The following PCGF3 variants were observed in gnomAD, a reference collection of about 807,000 sequenced individuals.
PCGF3 encodes the protein polycomb group ring finger 3, also known as polycomb group RING finger protein 3.
PCGF3 carries 7 observed loss-of-function variants against 33.1 expected under a neutral mutation model. The observed-to-expected ratio is 0.21, with a 90% CI of 0.12 to 0.40. PCGF3 has a LOEUF of 0.40. Among genes scored for constraint, PCGF3 ranks in the 10% least tolerant of loss-of-function variants. The probability of loss-of-function intolerance (pLI) is 1.00; values close to 1 mark genes in which losing one functional copy is unlikely to be tolerated. For synonymous variants in PCGF3, 153 were observed against 121.3 expected (o/e 1.26, Z -1.72); for missense variants, 211 against 313.3 (o/e 0.67, Z 2.46).
At chr4:760,742 C>T (rs527831613) in intron 8 of PCGF3, among the ~76,000 whole-genome samples, 68 of 152,364 alleles carry the variant, frequency 4.5e-4, no homozygotes, top group African/African-American at 1.6e-3. Flanking sequence ...CTTTTCGCAC[C>T]GGGCAGGGAG....
intron 6 of PCGF3, among the ~76,000 whole-genome samples, chr4:741,518 T>G (rs1453046672): frequency 6.6e-6 from 1 of 152,164 alleles, no homozygotes; most frequent in African/African-American, 2.4e-5. Context: ...ACAGTTGTCC[T>G]GTCTCAGCCT....
chr4:762,860 A>G (rs994611195), intron 9 of PCGF3: 1 of 152,294 alleles, frequency 6.6e-6, no homozygotes, highest in African/African-American at 2.4e-5. Context: ...GAAAGCCACA[A>G]TAAGTTGCTG....
At chr4:768,753 T>C (rs766399921) in exon 11 of PCGF3, 1 of 151,926 alleles carries the variant, frequency 6.6e-6, no homozygotes, top group South Asian at 2.1e-4. Flanking sequence ...CCCATCCAAT[T>C]GTTTGGTTTC....
chr4:756,973 A>G (rs1478505220), intron 8 of PCGF3: 1 of 152,234 alleles, frequency 6.6e-6, no homozygotes, highest in African/African-American at 2.4e-5. Context: ...AATTAGAAGC[A>G]TGCTTGTAAC....
At chr4:741,320 C>T (rs904983555) in intron 6 of PCGF3, among the ~76,000 whole-genome samples, 2 of 152,242 alleles carry the variant, frequency 1.3e-5, no homozygotes, top group African/African-American at 2.4e-5. Flanking sequence ...GATTCGTTAG[C>T]GTTATGCCAA....
chr4:710,679 A>G (rs1373273953), intron 1 of PCGF3, among the ~76,000 whole-genome samples: 3 of 152,200 alleles, frequency 2.0e-5, no homozygotes, highest in African/African-American at 7.2e-5. Flanking sequence ...AAGAAGATAA[A>G]TTACAGATAG....
intron 1 of PCGF3, among the ~76,000 whole-genome samples, chr4:707,415 G>T (rs1194845980): frequency 6.6e-6 from 1 of 152,226 alleles, no homozygotes; most frequent in Non-Finnish European, 1.5e-5. Context: ...AGTCCTGTGA[G>T]CACTGCTGGG....
chr4:730,678 C>T lies in PCGF3; in HGVS notation c.-151+10C>T, dbSNP rs894763022. On this transcript the variant is annotated intron_variant, in intron 2 of 10. Coordinates refer to ENST00000362003, the Ensembl canonical transcript of PCGF3. Reference sequence around the variant, plus strand: ...CAGGCGTCGTGCTCAGGTAAGTGCGCGTAGGCCGACTGCCCTCTTCTTTCC... The same window carrying T: ...CAGGCGTCGTGCTCAGGTAAGTGCGTGTAGGCCGACTGCCCTCTTCTTTCC... 1 of 216,150 alleles carries T rather than the reference C, an allele frequency of 4.6e-6. No homozygotes were observed. The allele number at this position is 216,150 out of a possible 1,614,324, so 13.4% of individuals were successfully genotyped here. A position where few individuals can be genotyped will look rare whatever the true frequency, so the allele number is the denominator to read the frequency against.
At chr4:722,769 C>T (rs1486878159) in intron 1 of PCGF3, among the ~76,000 whole-genome samples, 5 of 83,552 alleles carry the variant, frequency 6.0e-5, no homozygotes, top group African/African-American at 2.3e-4. Context: ...TCGCCATCCA[C>T]GCCGGGTCCA....
intron 1 of PCGF3, among the ~76,000 whole-genome samples, chr4:713,245 G>T (rs1373011190): frequency 9.8e-6 from 1 of 101,640 alleles, no homozygotes; most frequent in African/African-American, 3.2e-5. Context: ...GTGGCCTGGT[G>T]GGGGCTGTGG....
At chr4:760,607 CTG>C (rs1283593466) in intron 8 of PCGF3, among the ~76,000 whole-genome samples, 12 of 152,258 alleles carry the variant, frequency 7.9e-5, no homozygotes, top group Non-Finnish European at 1.5e-4. Context: ...TAGGCCCTAA[CTG>C]TGCCGTTTGT....
chr4:734,766 G>A (rs2109617184), intron 4 of PCGF3, 165 bp from the exon 5 acceptor site: 1 of 1,404,382 alleles, frequency 7.1e-7, no homozygotes, highest in Non-Finnish European at 9.3e-7. Flanking sequence ...CCTGAGACCA[G>A]AACGGCAAGA....
In PCGF3 at chr4:734,746, T is replaced by C. The variant is rs533525707; in HGVS notation, c.110-185T>C. 5.1e-6 allele frequency: 7 copies of C among 1,380,090 alleles called. No homozygotes were observed. The Admixed American group carries it at 9.6e-5, about 19-fold the overall frequency. 85.5% of individuals were successfully genotyped at this position (1,380,090 alleles called of 1,614,324 possible). The stretch of plus-strand genomic sequence containing the variant: ...CCCATTGACGGGGCAATTAAAACCT[T>C]CTCATTGCTCCTGAGACCAGAACGG... On this transcript the variant is annotated intron_variant, in intron 4 of 10. Transcript: ENST00000362003.
At chr4:731,136 G>A (rs1219121691) in intron 3 of PCGF3, 26 bp downstream of exon 3, 1 of 398,472 alleles carries the variant, frequency 2.5e-6, no homozygotes, top group East Asian at 3.6e-5. Flanking sequence ...CCCGACCCCG[G>A]GGGTCCTGCT....
intron 8 of PCGF3, among the ~76,000 whole-genome samples, chr4:755,956 C>T (rs994730258): frequency 1.3e-4 from 18 of 134,344 alleles, no homozygotes; most frequent in Admixed American, 6.4e-4. Flanking sequence ...CCCTCTTGCC[C>T]AGGCTGGAGT....
chr4:754,403 G>T (rs1274733035), intron 8 of PCGF3, among the ~76,000 whole-genome samples: 2 of 152,238 alleles, frequency 1.3e-5, no homozygotes, highest in African/African-American at 4.8e-5. Context: ...GCTGGAAGTG[G>T]GCTCTGCCTG....
chr4:711,437 A>ATT (rs1577392477), intron 1 of PCGF3, among the ~76,000 whole-genome samples: 15 of 134,030 alleles, frequency 1.1e-4, no homozygotes, highest in South Asian at 2.5e-4. Flanking sequence ...TGAAAATGTA[A>ATT]TTTTTCTTTT....
rs147613218 is a variant in PCGF3 at position 743,359 on chromosome 4, A to G, written c.263-115A>G. On this transcript the variant is annotated intron_variant, in intron 6 of 10. Transcript: ENST00000362003. ...CTTAATTTGCTGCTTTCTTATTAGT[A>G]GCCTTCAAACTTCATAATGCAAATC... 230 of 655,856 alleles carry G rather than the reference A, an allele frequency of 3.5e-4. No individual in the cohort carries two copies. The African/African-American group carries it at 3.7e-3, about 11-fold the overall frequency. The allele number at this position is 655,856 out of a possible 1,614,324, so 40.6% of individuals were successfully genotyped here. A position where few individuals can be genotyped will look rare whatever the true frequency, so the allele number is the denominator to read the frequency against.
At chr4:766,229 C>A in exon 11 of PCGF3, 1 of 626,576 alleles carries the variant, frequency 1.6e-6, no homozygotes, top group East Asian at 2.8e-5. Context: ...AATTCACACT[C>A]AACAAGACAC....
Sources: allele counts gnomAD v4.1 joint callset (sites outside exome capture counted in the v4.1 genomes callset), GRCh38; gene constraint gnomAD v4.1.1; transcripts MANE v1.5; gene names NCBI Gene and HGNC (gene_info 2026-07-23, HGNC 2026-07-21).